Variants in SLC35B3 observed in about 807,000 individuals in gnomAD.
SLC35B3 encodes adenosine 3'-phospho 5'-phosphosulfate transporter 2.
In SLC35B3, 35 loss-of-function variants were observed where a neutral mutation model predicts 44.1. The ratio of observed to expected loss-of-function variants is 0.79; its 90% CI spans 0.61 to 1.05. SLC35B3 has a LOEUF of 1.05. Ranked by LOEUF, SLC35B3 falls within the 50% of genes least tolerant of loss-of-function variation. SLC35B3 has a pLI of 0.00. For synonymous variants in SLC35B3, 146 were observed against 167.3 expected (o/e 0.87, Z 0.98); for missense variants, 414 against 476.4 (o/e 0.87, Z 1.22).
intron 4 of SLC35B3, among the ~76,000 whole-genome samples, chr6:8,424,077 G>C (rs1763186460): frequency 6.6e-6 from 1 of 152,228 alleles, no homozygotes; most frequent in Admixed American, 6.5e-5. Context: ...CAGCCTGACA[G>C]GGGAACTAAA....
Position 8,412,515 on chromosome 6 carries a change from A to G in SLC35B3, c.*1034T>C, listed in dbSNP as rs1373772687. 1.3e-5 allele frequency among the ~76,000 whole-genome samples: 2 copies of G among 152,328 alleles called. No homozygotes were observed. Among genetic ancestry groups the G allele is most frequent in the East Asian group, 3.9e-4 (2 of 5,184 alleles). ...TGGGATTACTTGGGCAAACTGTAGC[A>G]AATTTTTCTTACTACACATACTTAC... On this transcript the variant is annotated 3_prime_UTR_variant, in exon 11 of 11. Transcript: ENST00000644923.
intron 4 of SLC35B3, among the ~76,000 whole-genome samples, chr6:8,422,859 G>C (rs573805466): frequency 6.6e-6 from 1 of 150,832 alleles, no homozygotes; most frequent in East Asian, 1.9e-4. Flanking sequence ...ACTCAATTAT[G>C]TAAAAAAGAG....
At position 8,434,484 on chromosome 6, in the gene SLC35B3, T is replaced by C. The variant is rs1764296434; in HGVS notation, c.-43-54A>G. The C allele has an allele frequency of 6.7e-7, 1 of 1,488,130 alleles. No individual in the cohort carries two copies. 92.2% of individuals were successfully genotyped at this position (1,488,130 alleles called of 1,614,324 possible). A position where few individuals can be genotyped will look rare whatever the true frequency, so the allele number is the denominator to read the frequency against. On this transcript the variant is annotated intron_variant, in intron 1 of 10. Transcript: ENST00000644923. The surrounding 1 kb of genome is among the most constrained non-coding windows in gnomAD (Gnocchi z 6.3). ...AACAAAGTTCCATCTCATTTCTTTG[T>C]ACACACATCATTACACAAAGGTGGA...
At position 8,420,094 on chromosome 6, in the gene SLC35B3, A is replaced by C. The variant is rs1041338958; in HGVS notation, c.683-417T>G. Among the ~76,000 whole-genome samples the C allele has an allele frequency of 6.6e-6, 1 of 151,572 alleles. No homozygotes were observed. The highest frequency in any genetic ancestry group is 2.4e-5 in the African/African-American group (1 of 41,358). On this transcript the variant is annotated intron_variant, in intron 6 of 10. Transcript: ENST00000644923. This position sits in a 1 kb window ranked among gnomAD's most constrained non-coding sequence, Gnocchi z 4.4. ...AAAGTCATTTTTGAAAAACCCTATT[A>C]TTACTAAAATGTTTAATTTAAATCA...
Position 8,435,447 on chromosome 6 carries a change from C to T in SLC35B3, c.-148G>A, listed in dbSNP as rs1473928688. On this transcript the variant is annotated 5_prime_UTR_variant, in exon 1 of 11. Transcript: ENST00000644923. The surrounding 1 kb of genome is among the most constrained non-coding windows in gnomAD (Gnocchi z 5.5). ...TGGTCCGTCGCCATCACCTCCTCTTCCTCCTCCTCCTCGCCCACTCCTGCA... is the reference window on the plus strand; with the variant it reads ...TGGTCCGTCGCCATCACCTCCTCTTTCTCCTCCTCCTCGCCCACTCCTGCA... 3.5e-6 allele frequency: 4 copies of T among 1,136,808 alleles called. No homozygotes were observed. The highest frequency in any genetic ancestry group is 4.7e-6 in the Non-Finnish European group (4 of 856,990). 70.4% of individuals were successfully genotyped at this position (1,136,808 alleles called of 1,614,324 possible).
chr6:8,429,720 C>G, intron 3 of SLC35B3, 144 bp downstream of exon 2: 1 of 505,790 alleles, frequency 2.0e-6, no homozygotes, highest in Non-Finnish European at 3.3e-6. Context: ...TTAAGAAGCT[C>G]TTTTCTACTC....
Position 8,413,593 on chromosome 6 carries a change from A to T in SLC35B3, c.1162T>A (p.Ser388Thr). The change falls in exon 11 of 11, where the codon TCA (serine) becomes ACA (threonine). Residue 388 changes from serine (S) to threonine (T), a missense_variant. By Grantham distance (58) the Ser-to-Thr change is moderately conservative. Transcript: ENST00000644923. ...GTCCTTGACTTTCTTGCTTCCACTGATTTGTTTATCAAATCATACAGTGAT... is the reference window on the plus strand; with the variant it reads ...GTCCTTGACTTTCTTGCTTCCACTGTTTTGTTTATCAAATCATACAGTGAT... 1.2e-6 allele frequency: 2 copies of T among 1,609,580 alleles called. No homozygotes were observed. Among genetic ancestry groups the T allele is most frequent in the Non-Finnish European group, 1.7e-6 (2 of 1,178,184 alleles).
At chr6:8,428,873 A>G (rs1763689437) in intron 3 of SLC35B3, among the ~76,000 whole-genome samples, 1 of 152,142 alleles carries the variant, frequency 6.6e-6, no homozygotes, top group African/African-American at 2.4e-5. Context: ...ATCAGTTATT[A>G]TAAATATTAA....
intron 5 of SLC35B3, among the ~76,000 whole-genome samples, 168 bp downstream of exon 4, chr6:8,422,302 C>T (rs1762965061): frequency 6.6e-6 from 1 of 152,120 alleles, no homozygotes; most frequent in Non-Finnish European, 1.5e-5. Flanking sequence ...TGTGCCTGGC[C>T]ATCAGTGTTT....
At chr6:8,416,004 G>A (rs1348911319) in intron 9 of SLC35B3, among the ~76,000 whole-genome samples, 2 of 152,194 alleles carry the variant, frequency 1.3e-5, no homozygotes, top group African/African-American at 4.8e-5. Flanking sequence ...GCAGTATAAT[G>A]TATGGTGAAG....
chr6:8,413,545 CT>C lies in SLC35B3; in HGVS notation c.*3del, dbSNP rs1168446487. 6.2e-7 allele frequency: 1 copy of C among 1,600,542 alleles called. No homozygotes were observed. Among genetic ancestry groups the C allele is most frequent in the Non-Finnish European group, 8.5e-7 (1 of 1,175,780 alleles). On this transcript the variant is annotated 3_prime_UTR_variant, in exon 11 of 11. Coordinates refer to ENST00000644923, the MANE Select transcript of SLC35B3 (RefSeq NM_001370476.2). ...AATTCTATTTTAAATAGGACAATCA[CT>C]GTCTATACAGTCTGTGCCAGCGTCC...
chr6:8,424,507 G>A (rs1763234984), intron 4 of SLC35B3, among the ~76,000 whole-genome samples: 1 of 152,156 alleles, frequency 6.6e-6, no homozygotes, highest in South Asian at 2.1e-4. Flanking sequence ...TGATCAACCT[G>A]CCTCGGCCTC....
At chr6:8,428,501 G>C (rs768288605) in intron 3 of SLC35B3, among the ~76,000 whole-genome samples, 4 of 152,064 alleles carry the variant, frequency 2.6e-5, no homozygotes, top group Admixed American at 6.5e-5. Context: ...CATTTTCTCT[G>C]AACTATTTTG....
chr6:8,423,391 C>G (rs1036257008), intron 4 of SLC35B3, among the ~76,000 whole-genome samples: 3 of 143,946 alleles, frequency 2.1e-5, no homozygotes, highest in African/African-American at 8.1e-5. Flanking sequence ...TTATAATAAT[C>G]AACTTTTAAG....
chr6:8,434,171 A>C lies in SLC35B3; in HGVS notation c.3+214T>G, dbSNP rs1764260015. ...ATTTCCGGCATACAATGTATATTTA[A>C]AAATTAAAATTAGTGATAATGTTGA... is the stretch of plus-strand genomic sequence containing the variant. On this transcript the variant is annotated intron_variant, in intron 2 of 10. Coordinates refer to ENST00000644923, the MANE Select transcript of SLC35B3 (RefSeq NM_001370476.2). This position sits in a 1 kb window ranked among gnomAD's most constrained non-coding sequence, Gnocchi z 6.3. 6.6e-6 allele frequency among the ~76,000 whole-genome samples: 1 copy of C among 152,104 alleles called. No homozygotes were observed. Among genetic ancestry groups the C allele is most frequent in the African/African-American group, 2.4e-5 (1 of 41,412 alleles).
At chr6:8,431,950 T>TG (rs1316020270) in intron 2 of SLC35B3, among the ~76,000 whole-genome samples, 1 of 148,260 alleles carries the variant, frequency 6.7e-6, no homozygotes, top group Admixed American at 6.9e-5. Flanking sequence ...CGCTGCCTTC[T>TG]GTTCATGATG....
At position 8,413,280 on chromosome 6, in the gene SLC35B3, A is replaced by G; in HGVS notation, c.*269T>C. Reference sequence around the variant, plus strand: ...CAACACATGGTCCATTTCCAGTGAAATTCTCAATAAACTGCTAGGAATTAC... The same window carrying G: ...CAACACATGGTCCATTTCCAGTGAAGTTCTCAATAAACTGCTAGGAATTAC... On this transcript the variant is annotated 3_prime_UTR_variant, in exon 11 of 11. Coordinates refer to ENST00000644923, the MANE Select transcript of SLC35B3 (RefSeq NM_001370476.2). The G allele has an allele frequency of 9.6e-6, 3 of 311,650 alleles. No individual in the cohort carries two copies. The South Asian group carries it at 1.8e-4, about 18-fold the overall frequency. The allele number at this position is 311,650 out of a possible 1,614,324, so 19.3% of individuals were successfully genotyped here.
chr6:8,417,215 G>T (rs939557978), intron 8 of SLC35B3, among the ~76,000 whole-genome samples, 187 bp downstream of exon 7: 3 of 151,910 alleles, frequency 2.0e-5, no homozygotes, highest in Non-Finnish European at 2.9e-5. Context: ...AACTCATAGG[G>T]TACAGCAAGG....
rs114856769 is a variant in SLC35B3 at position 8,431,136 on chromosome 6, C to T, written c.4-979G>A. 6.0e-3 allele frequency among the ~76,000 whole-genome samples: 909 copies of T among 152,188 alleles called. 5 individuals carry two copies. Among genetic ancestry groups the T allele is most frequent in the Non-Finnish European group, 0.01 (701 of 67,986 alleles). ...AAAAAAATTATGAAGCCATCAATTT[C>T]TCTTTGGATTTATATAAACTGAAAA... On this transcript the variant is annotated intron_variant, in intron 2 of 10. Transcript: ENST00000644923.
Sources: gnomAD v4.1 joint callset for allele counts (sites outside exome capture counted in the v4.1 genomes callset) on GRCh38, gnomAD v4.1.1 for gene constraint, Gnocchi (gnomAD v3.1) non-coding constraint, MANE v1.5 for transcripts, NCBI Gene and HGNC (gene_info 2026-07-23, HGNC 2026-07-21) for gene names.